The following CARD14 variants were observed in gnomAD, a reference collection of about 807,000 sequenced individuals.
The protein encoded by CARD14 is caspase recruitment domain family member 14.
In CARD14, 107 loss-of-function variants were observed where a neutral mutation model predicts 111.5. The ratio of observed to expected loss-of-function variants is 0.96; its 90% CI spans 0.82 to 1.13. The LOEUF is 1.13. Ranked by LOEUF, CARD14 falls within the 50% of genes most tolerant of loss-of-function variation. The pLI is 0.00. For missense variants in CARD14, 1,322 were observed against 1,362.3 expected (o/e 0.97, Z 0.47); for synonymous variants, 617 against 579.6 (o/e 1.06, Z -0.93).
intron 1 of CARD14, among the ~76,000 whole-genome samples, chr17:80,172,563 G>A (rs2039925948): frequency 6.6e-6 from 1 of 152,228 alleles, no homozygotes; most frequent in Admixed American, 6.5e-5. Flanking sequence ...CAGGAGAGGA[G>A]ACGTTTCTGC....
At chr17:80,185,572 C>T (rs2040318363) in intron 7 of CARD14, among the ~76,000 whole-genome samples, 1 of 152,168 alleles carries the variant, frequency 6.6e-6, no homozygotes, top group African/African-American at 2.4e-5. Context: ...GTGCAGTTCT[C>T]AACTTCAGTC....
At position 80,205,200 on chromosome 17, in the gene CARD14, T is replaced by C; in HGVS notation, c.2564T>C (p.Leu855Pro). The C allele has an allele frequency of 6.2e-7, 1 of 1,611,636 alleles. No individual in the cohort carries two copies. The highest frequency in any genetic ancestry group is 8.5e-7 in the Non-Finnish European group (1 of 1,178,652). Reference protein sequence around the residue: ...LCLLQGFKKCLAEYLSQEEYE... With the variant: ...LCLLQGFKKCPAEYLSQEEYE... ...CTCCTCCAAGGGTTTAAGAAGTGCC[T>C]GGCAGGTATGCTGTTGCCTGGGAAT... is the stretch of plus-strand genomic sequence containing the variant. The change falls in exon 21 of 24, where the codon CTG (leucine) becomes CCG (proline). Residue 855 changes from leucine to proline, a missense_variant. Physicochemically the swap from Leu to Pro is moderately conservative, Grantham distance 98 (BLOSUM62 -3). Coordinates refer to ENST00000648509, the MANE Select transcript of CARD14 (RefSeq NM_001366385.1).
chr17:80,190,754 A>G lies in CARD14; in HGVS notation c.964-20A>G. The G allele has an allele frequency of 1.9e-6, 3 of 1,613,712 alleles. No individual in the cohort carries two copies. The highest frequency in any genetic ancestry group is 2.5e-6 in the Non-Finnish European group (3 of 1,179,800). ...TCAGAGCTGCTGAGCTTCACGGTCC[A>G]TGTGTCCCACTCTGTCCAGTACTGG... is the stretch of plus-strand genomic sequence containing the variant. On this transcript the variant is annotated intron_variant, in intron 9 of 23. Transcript: ENST00000648509.
intron 7 of CARD14, among the ~76,000 whole-genome samples, chr17:80,186,722 G>T (rs112271137): frequency 6.6e-6 from 1 of 151,958 alleles, no homozygotes; most frequent in Non-Finnish European, 1.5e-5. Flanking sequence ...CTAATTTTTC[G>T]TATTTTTAGT....
Position 80,208,391 on chromosome 17 carries a change from T to C in CARD14, c.*46T>C, listed in dbSNP as rs75486216. ...GACTGTGGGGGCTTCTGTGTGCCTGTTAATGCAGTCCTGTTCCTCAGCCCA... is the reference window on the plus strand; with the variant it reads ...GACTGTGGGGGCTTCTGTGTGCCTGCTAATGCAGTCCTGTTCCTCAGCCCA... On this transcript the variant is annotated 3_prime_UTR_variant, in exon 24 of 24. Coordinates refer to ENST00000648509, the MANE Select transcript of CARD14 (RefSeq NM_001366385.1). 0.011 allele frequency: 16,931 copies of C among 1,487,328 alleles called. 170 individuals carry two copies. Among genetic ancestry groups the C allele is most frequent in the South Asian group, 0.034 (2,740 of 79,618 alleles). 92.1% of individuals were successfully genotyped at this position (1,487,328 alleles called of 1,614,324 possible).
chr17:80,176,891 C>T (rs1410677577), intron 2 of CARD14, among the ~76,000 whole-genome samples: 1 of 152,166 alleles, frequency 6.6e-6, no homozygotes, highest in Middle Eastern at 3.2e-3. Flanking sequence ...GGGAGTGTGC[C>T]CATTGGCAGC....
chr17:80,175,374 G>A (rs767710820), intron 2 of CARD14, among the ~76,000 whole-genome samples: 9 of 152,062 alleles, frequency 5.9e-5, no homozygotes, highest in Non-Finnish European at 1.0e-4. Flanking sequence ...TTTTTAAAAC[G>A]CAACATTTGG....
In CARD14 at chr17:80,205,581, A is replaced by G; in HGVS notation, c.2620A>G (p.Ile874Val). ...GGCCTGGAGCCAGAGAGGGGACATC[A>G]TCCAGGAGGGAGAGGTGTCCGGGGG... Reference protein sequence around the residue: ...YEAWSQRGDIIQEGEVSGGRC... With the variant: ...YEAWSQRGDIVQEGEVSGGRC... The change falls in exon 22 of 24, where the codon ATC becomes GTC. Residue 874 changes from isoleucine (I) to valine (V), a missense_variant. Coordinates refer to ENST00000648509, the MANE Select transcript of CARD14 (RefSeq NM_001366385.1). The G allele has an allele frequency of 1.3e-6, 2 of 1,577,888 alleles. No individual in the cohort carries two copies. The highest frequency in any genetic ancestry group is 1.7e-6 in the Non-Finnish European group (2 of 1,161,198).
intron 14 of CARD14, chr17:80,196,069 C>T (rs2040701606): frequency 6.0e-6 from 1 of 165,926 alleles, no homozygotes; most frequent in East Asian, 1.8e-4. Flanking sequence ...TCCTCTCAGG[C>T]GCTGGCCCTG....
At position 80,203,578 on chromosome 17, in the gene CARD14, CA is replaced by C. The variant is rs1275366672; in HGVS notation, c.2220-243del. On this transcript the variant is annotated intron_variant, in intron 18 of 23. Transcript: ENST00000648509. The surrounding 1 kb of genome is among the most constrained non-coding windows in gnomAD (Gnocchi z 4.6). ...CAACAGCACCCCCTGGGTCCCGCCCCAGGACAAGTAAATCAGCATCTCCAGG... is the reference window on the plus strand; with the variant it reads ...CAACAGCACCCCCTGGGTCCCGCCCCGGACAAGTAAATCAGCATCTCCAGG... 8 of 475,520 alleles carry C rather than the reference CA, an allele frequency of 1.7e-5. No homozygotes were observed. Among genetic ancestry groups the C allele is most frequent in the Non-Finnish European group, 2.6e-5 (7 of 269,050 alleles). 29.5% of individuals were successfully genotyped at this position (475,520 alleles called of 1,614,324 possible).
In CARD14 at chr17:80,203,094, C is replaced by T. The variant is rs2041075889; in HGVS notation, c.2219+674C>T. 1 of 152,154 alleles carries T rather than the reference C, an allele frequency of 6.6e-6. No homozygotes were observed. The highest frequency in any genetic ancestry group is 2.4e-5 in the African/African-American group (1 of 41,360). The allele number at this position is 152,154 out of a possible 1,614,324, so 9.4% of individuals were successfully genotyped here. A position where few individuals can be genotyped will look rare whatever the true frequency, so the allele number is the denominator to read the frequency against. On this transcript the variant is annotated intron_variant, in intron 18 of 23. Transcript: ENST00000648509. This position sits in a 1 kb window ranked among gnomAD's most constrained non-coding sequence, Gnocchi z 4.6. ...ACCAGCCTGGGTAACCTGGTGAAAC[C>T]CTGTCTCTATTAAAAATACAAAAAA...
rs538495459 is a variant in CARD14, at chr17:80,179,339, T to G, written c.-21+38T>G. On this transcript the variant is annotated intron_variant, in intron 4 of 23. Transcript: ENST00000648509. ...TGGTTATTCATATCATTGAATCCAGTGCACAGTTTAAAGGACCATGCATGT... is the reference window on the plus strand; with the variant it reads ...TGGTTATTCATATCATTGAATCCAGGGCACAGTTTAAAGGACCATGCATGT... 4 of 152,314 alleles carry G rather than the reference T, an allele frequency of 2.6e-5. No homozygotes were observed. In the East Asian group the frequency reaches 7.7e-4, roughly 29 times the overall value. The allele number at this position is 152,314 out of a possible 1,614,324, so 9.4% of individuals were successfully genotyped here.
chr17:80,196,824 A>T (rs997038058), intron 14 of CARD14: 8 of 152,578 alleles, frequency 5.2e-5, no homozygotes, highest in African/African-American at 1.4e-4. Flanking sequence ...GCTGCTGGCC[A>T]GTGCCAGTGA....
chr17:80,192,625 GC>G lies in CARD14; in HGVS notation c.1356+8del, dbSNP rs2144281783. On this transcript the variant is annotated splice_region_variant and intron_variant, in intron 12 of 23. Transcript: ENST00000648509. Reference sequence around the variant, plus strand: ...GCCTCGTCAGCTCCACAGAGGTACGGCCGCTCCTCCCGCCTCCCTCACTGCC... The same window carrying G: ...GCCTCGTCAGCTCCACAGAGGTACGGCGCTCCTCCCGCCTCCCTCACTGCC... 5.0e-6 allele frequency: 8 copies of G among 1,605,038 alleles called. No homozygotes were observed. The highest frequency in any genetic ancestry group is 2.7e-5 in the African/African-American group (2 of 74,908).
At chr17:80,173,600 C>T (rs1009620972) in intron 2 of CARD14, among the ~76,000 whole-genome samples, 30 of 150,174 alleles carry the variant, frequency 2.0e-4, no homozygotes, top group African/African-American at 7.4e-4. Context: ...CATCCAGATT[C>T]GGCATTTTTT....
At chr17:80,180,004 G>T (rs2040119707) in intron 4 of CARD14, among the ~76,000 whole-genome samples, 1 of 152,188 alleles carries the variant, frequency 6.6e-6, no homozygotes, top group Non-Finnish European at 1.5e-5. Flanking sequence ...TTTGTTATTT[G>T]CAGGATTTTT....
chr17:80,195,227 C>A lies in CARD14; in HGVS notation c.1393C>A (p.Arg465Ser), dbSNP rs777303119. 6.2e-7 allele frequency: 1 copy of A among 1,611,642 alleles called. No homozygotes were observed. The highest frequency in any genetic ancestry group is 1.1e-5 in the South Asian group (1 of 91,038). The stretch of plus-strand genomic sequence containing the variant: ...GTCGGACCTGAGTGCCACGTCCAGC[C>A]GCGAGCTGGTGGACAGCTTCCGCTC... ...LLSDLSATSS[R>S]ELVDSFRSSS... The change falls in exon 13 of 24, where the codon CGC (arginine) becomes AGC (serine). Residue 465 changes from arginine to serine, a missense_variant. Transcript: ENST00000648509. This position sits in a 1 kb window ranked among gnomAD's most constrained non-coding sequence, Gnocchi z 4.7.
At position 80,181,513 on chromosome 17, in the gene CARD14, C is replaced by T; in HGVS notation, c.75C>T (p.Ser25=). The T allele has an allele frequency of 6.3e-7, 1 of 1,586,848 alleles. No individual in the cohort carries two copies. Among genetic ancestry groups the T allele is most frequent in the South Asian group, 1.1e-5 (1 of 87,246 alleles). The change falls in exon 5 of 24, where the codon AGC becomes AGT. Residue 25 remains serine, a synonymous_variant. Coordinates refer to ENST00000648509, the MANE Select transcript of CARD14 (RefSeq NM_001366385.1). ...AGACACTGTGGGAGATGATGGAGAG[C>T]CACCGCCACAGGATCGTACGCTGCA... ...DEETLWEMME[S]HRHRIVRCIC...
Position 80,201,817 on chromosome 17 carries a change from T to A in CARD14, c.1925T>A (p.Leu642His). 6.2e-7 allele frequency: 1 copy of A among 1,614,042 alleles called. No homozygotes were observed. The highest frequency in any genetic ancestry group is 1.7e-4 in the Middle Eastern group (1 of 6,060). Reference sequence around the variant, plus strand: ...ACGACCCTGGAGGAGGCCGTGGGGCTTCTCAGGAGGGTGGACGGCTTCTGC... The same window carrying A: ...ACGACCCTGGAGGAGGCCGTGGGGCATCTCAGGAGGGTGGACGGCTTCTGC... ...EDTTLEEAVG[L>H]LRRVDGFCCL... The change falls in exon 17 of 24, where the codon CTT (leucine) becomes CAT (histidine). Residue 642 changes from leucine to histidine, a missense_variant. By Grantham distance (99) the Leu-to-His change is moderately conservative. Coordinates refer to ENST00000648509, the MANE Select transcript of CARD14 (RefSeq NM_001366385.1). This position sits in a 1 kb window ranked among gnomAD's most constrained non-coding sequence, Gnocchi z 5.0.
Sources: allele counts gnomAD v4.1 joint callset (sites outside exome capture counted in the v4.1 genomes callset), GRCh38; gene constraint gnomAD v4.1.1; non-coding constraint Gnocchi (gnomAD v3.1); transcripts MANE v1.5; gene names NCBI Gene and HGNC (gene_info 2026-07-23, HGNC 2026-07-21).